The following ZNF729 variants were observed in gnomAD, a reference collection of about 807,000 sequenced individuals.
ZNF729 encodes the protein zinc finger protein 729.
ZNF729 carries 15 observed loss-of-function variants against 12.2 expected under a neutral mutation model. The observed-to-expected ratio is 1.23, with a 90% CI of 0.82 to 1.89. ZNF729 has a LOEUF of 1.89. ZNF729 is among the 40% of genes most tolerant of loss of function. The pLI is 0.00. For missense variants in ZNF729, 1,540 were observed against 1,456.7 expected (o/e 1.06, Z -0.93); for synonymous variants, 492 against 476.3 (o/e 1.03, Z -0.43).
In ZNF729 at chr19:22,316,598, T is replaced by G. The variant is rs541071584; in HGVS notation, c.3181T>G (p.Ser1061Ala). Residue 1061 changes from serine to alanine, a missense_variant, in exon 4 of 4, where the codon TCA (serine) becomes GCA (alanine). Transcript: ENST00000601693. ...EECGKAFKWS[S>A]KLTEHKVIHT... ...ATGTGGTAAAGCTTTTAAGTGGTCCTCAAAACTTACTGAACATAAGGTAAT... is the reference window on the plus strand; with the variant it reads ...ATGTGGTAAAGCTTTTAAGTGGTCCGCAAAACTTACTGAACATAAGGTAAT... The G allele has an allele frequency of 7.4e-5, 120 of 1,613,170 alleles. 1 individual carries two copies. The African/African-American group carries it at 1.5e-3, about 20-fold the overall frequency.
In ZNF729 at chr19:22,316,915, C is replaced by G. The variant is rs1164760172; in HGVS notation, c.3498C>G (p.Gly1166=). 3.7e-6 allele frequency: 6 copies of G among 1,612,898 alleles called. No homozygotes were observed. The East Asian group carries it at 1.1e-4, about 30-fold the overall frequency. Residue 1166 remains glycine, a synonymous_variant, in exon 4 of 4, where the codon GGC becomes GGG. Transcript: ENST00000601693. Reference sequence around the variant, plus strand: ...AACCCTACAAATGTGAAGAATGTGGCAAAGCCTTTAACCAGTCCTCACACC... The same window carrying G: ...AACCCTACAAATGTGAAGAATGTGGGAAAGCCTTTAACCAGTCCTCACACC... The part of the protein sequence containing the change: ...VEKPYKCEEC[G]KAFNQSSHLT...
chr19:22,316,003 C>A lies in ZNF729; in HGVS notation c.2586C>A (p.Ser862Arg), dbSNP rs751091216. ...GTGAAGAATGTGGCAAAGCTTTTAG[C>A]CAATCCTCATCCCTTAGAAAACATG... is the stretch of plus-strand genomic sequence containing the variant. ...YKCEECGKAF[S>R]QSSSLRKHEI... Residue 862 changes from serine to arginine, a missense_variant, in exon 4 of 4, where the codon AGC becomes AGA. By Grantham distance (110) the Ser-to-Arg change is moderately radical (BLOSUM62 -1). Coordinates refer to ENST00000601693, the MANE Select transcript of ZNF729 (RefSeq NM_001242680.2). 6.3e-7 allele frequency: 1 copy of A among 1,599,764 alleles called. No individual in the cohort carries two copies.
intron 1 of ZNF729, among the ~76,000 whole-genome samples, chr19:22,302,706 C>G (rs193052922): frequency 3.1e-3 from 474 of 152,388 alleles, no homozygotes; most frequent in African/African-American, 0.011. Context: ...CACTCCCTGG[C>G]CAAGTTCTGT....
intron 1 of ZNF729, among the ~76,000 whole-genome samples, chr19:22,296,585 T>A (rs1202811264): frequency 3.3e-5 from 5 of 152,178 alleles, no homozygotes; most frequent in African/African-American, 1.2e-4. Context: ...TTCTTTTGTA[T>A]AGTTTTTCAT....
At chr19:22,287,217 T>C (rs1412522836) in intron 1 of ZNF729, among the ~76,000 whole-genome samples, 1 of 151,154 alleles carries the variant, frequency 6.6e-6, no homozygotes, top group East Asian at 2.0e-4. Context: ...CTGAGTTTTG[T>C]TTCCCCCAAT....
Position 22,316,560 on chromosome 19 carries a change from A to G in ZNF729, c.3143A>G (p.Tyr1048Cys), listed in dbSNP as rs781781619. 21 of 1,613,536 alleles carry G rather than the reference A, an allele frequency of 1.3e-5. No individual in the cohort carries two copies. Among genetic ancestry groups the G allele is most frequent in the Non-Finnish European group, 1.7e-5 (20 of 1,179,800 alleles). Residue 1048 changes from tyrosine (Y) to cysteine (C), a missense_variant, in exon 4 of 4, where the codon TAC becomes TGC. Tyr to Cys is a radical substitution (Grantham distance 194). Coordinates refer to ENST00000601693, the MANE Select transcript of ZNF729 (RefSeq NM_001242680.2). The stretch of plus-strand genomic sequence containing the variant: ...ATAATTCATACTGGGGAGAAACCCT[A>G]CAAATGTGAAGAATGTGGTAAAGCT... ...HKIIHTGEKPYKCEECGKAFK... is the reference protein window; with the variant it reads ...HKIIHTGEKPCKCEECGKAFK...
rs1397740239 is a variant in ZNF729 at position 22,295,635 on chromosome 19, C to T, written c.31-8123C>T. Reference sequence around the variant, plus strand: ...CAGGATGGTCTCGATCTCCTGACCTCGTGATCCGCCCGTCTCGGCCTCCCA... The same window carrying T: ...CAGGATGGTCTCGATCTCCTGACCTTGTGATCCGCCCGTCTCGGCCTCCCA... On this transcript the variant is annotated intron_variant, in intron 1 of 3. Transcript: ENST00000601693. 2.6e-5 allele frequency among the ~76,000 whole-genome samples: 4 copies of T among 152,134 alleles called. No homozygotes were observed. The South Asian group carries it at 6.2e-4, about 24-fold the overall frequency.
chr19:22,317,072 A>C lies in ZNF729; in HGVS notation c.3655A>C (p.Lys1219Gln). ...IHTREKPTNV[K>Q]KVPKLLSNPH... is the part of the protein sequence containing the mutation. ...TACCAGAGAGAAACCTACAAATGTGAAGAAAGTACCAAAGCTTTTAAGCAA... is the reference window on the plus strand; with the variant it reads ...TACCAGAGAGAAACCTACAAATGTGCAGAAAGTACCAAAGCTTTTAAGCAA... Residue 1219 changes from lysine to glutamine, a missense_variant, in exon 4 of 4, where the codon AAG becomes CAG. Physicochemically the swap from Lys to Gln is moderately conservative, Grantham distance 53 (BLOSUM62 1). Coordinates refer to ENST00000601693, the MANE Select transcript of ZNF729 (RefSeq NM_001242680.2). The C allele has an allele frequency of 6.2e-7, 1 of 1,605,084 alleles. No homozygotes were observed. The highest frequency in any genetic ancestry group is 8.5e-7 in the Non-Finnish European group (1 of 1,176,508).
Position 22,314,542 on chromosome 19 carries a change from C to G in ZNF729, c.1125C>G (p.Pro375=). 1 of 1,610,572 alleles carries G rather than the reference C, an allele frequency of 6.2e-7. No homozygotes were observed. Among genetic ancestry groups the G allele is most frequent in the Non-Finnish European group, 8.5e-7 (1 of 1,179,466 alleles). Residue 375 remains proline, a synonymous_variant, in exon 4 of 4, where the codon CCC becomes CCG. Coordinates refer to ENST00000601693, the MANE Select transcript of ZNF729 (RefSeq NM_001242680.2). ...KHEIIHTGEK[P]YKCEECGKAF... ...AGATAATTCATACTGGAGAGAAACC[C>G]TACAAATGTGAAGAATGTGGTAAAG...
In ZNF729 at chr19:22,289,226, A is replaced by ATTTT. The variant is rs373375131; in HGVS notation, c.30+2685_30+2688dup. On this transcript the variant is annotated intron_variant, in intron 1 of 3. Coordinates refer to ENST00000601693, the MANE Select transcript of ZNF729 (RefSeq NM_001242680.2). ...ATTTAATTATATATTCCATTTGTTA[A>ATTTT]TTTTTTTTTTTTTTTTTGAGACCAA... is the stretch of plus-strand genomic sequence containing the variant. 1.4e-4 allele frequency among the ~76,000 whole-genome samples: 20 copies of ATTTT among 140,526 alleles called. 1 individual carries two copies. The highest frequency in any genetic ancestry group is 5.3e-4 in the African/African-American group (20 of 37,730). The allele number at this position is 140,526 out of a possible 152,430, so 92.2% of individuals were successfully genotyped here.
chr19:22,286,800 G>T (rs1968084385), intron 1 of ZNF729, among the ~76,000 whole-genome samples: 1 of 152,168 alleles, frequency 6.6e-6, no homozygotes, highest in African/African-American at 2.4e-5. Flanking sequence ...TCTCTGGGCC[G>T]CTCTGCACCC....
intron 1 of ZNF729, among the ~76,000 whole-genome samples, chr19:22,294,974 C>G (rs956973421): frequency 1.3e-5 from 2 of 151,048 alleles, no homozygotes; most frequent in African/African-American, 4.9e-5. Context: ...ACTCTTTAAG[C>G]AGTGTTTTGT....
At chr19:22,312,534 T>G (rs1968464386) in intron 3 of ZNF729, among the ~76,000 whole-genome samples, 1 of 151,908 alleles carries the variant, frequency 6.6e-6, no homozygotes, top group South Asian at 2.1e-4. Flanking sequence ...GCTACATCTA[T>G]TTTTTGTGTG....
intron 1 of ZNF729, among the ~76,000 whole-genome samples, chr19:22,291,115 A>C (rs553183678): frequency 7.2e-5 from 11 of 152,174 alleles, no homozygotes; most frequent in South Asian, 4.1e-4. Context: ...AATGTTAGGC[A>C]ATGAGTTGGT....
In ZNF729 at chr19:22,315,862, G is replaced by A. The variant is rs1968528337; in HGVS notation, c.2445G>A (p.Lys815=). The A allele has an allele frequency of 1.2e-6, 2 of 1,611,134 alleles. No homozygotes were observed. Among genetic ancestry groups the A allele is most frequent in the Non-Finnish European group, 1.7e-6 (2 of 1,179,692 alleles). The part of the protein sequence containing the change: ...FKWSSKLTVH[K]VIHTGEKPCK... Reference sequence around the variant, plus strand: ...GGTCCTCAAAGCTTACTGTACATAAGGTAATTCATACTGGAGAGAAACCCT... The same window carrying A: ...GGTCCTCAAAGCTTACTGTACATAAAGTAATTCATACTGGAGAGAAACCCT... Residue 815 remains lysine, a synonymous_variant, in exon 4 of 4, where the codon AAG becomes AAA. Transcript: ENST00000601693.
chr19:22,289,374 C>T (rs377165549), intron 1 of ZNF729, among the ~76,000 whole-genome samples: 16 of 151,706 alleles, frequency 1.1e-4, no homozygotes, highest in East Asian at 9.7e-4. Flanking sequence ...TACAGGCGCC[C>T]GCCACCACAC....
chr19:22,300,215 T>C (rs1968286659), intron 1 of ZNF729, among the ~76,000 whole-genome samples: 1 of 152,220 alleles, frequency 6.6e-6, no homozygotes, highest in African/African-American at 2.4e-5. Flanking sequence ...CCTGCATGGC[T>C]AGCCTTCCCA....
chr19:22,303,708 G>T (rs1968344253), intron 1 of ZNF729, 50 bp from the exon 2 acceptor site: 3 of 1,478,296 alleles, frequency 2.0e-6, no homozygotes, highest in Admixed American at 2.2e-5. Flanking sequence ...AAAAATTTCT[G>T]CCCATGGCCA....
chr19:22,309,655 T>C (rs1383274390), intron 3 of ZNF729, among the ~76,000 whole-genome samples: 1 of 152,104 alleles, frequency 6.6e-6, no homozygotes, highest in African/African-American at 2.4e-5. Context: ...TTCAGATTTG[T>C]TCTTTTTGCT....
Sources: allele counts gnomAD v4.1 joint callset (sites outside exome capture counted in the v4.1 genomes callset), GRCh38; gene constraint gnomAD v4.1.1; transcripts MANE v1.5; gene names NCBI Gene and HGNC (gene_info 2026-07-23, HGNC 2026-07-21).